DBT: variants seen among roughly 807,000 people sequenced by gnomAD.
The protein encoded by DBT is dihydrolipoamide branched chain transacylase E2, also known as lipoamide acyltransferase component of branched-chain alpha-keto acid dehydrogenase complex, mitochondrial.
DBT carries 40 observed loss-of-function variants against 51.3 expected under a neutral mutation model. The ratio of observed to expected loss-of-function variants is 0.78; its 90% CI spans 0.61 to 1.02. DBT has a LOEUF of 1.02. DBT is among the 50% of genes least tolerant of loss of function. DBT has a pLI of 0.00. For synonymous variants in DBT, 181 were observed against 190.4 expected (o/e 0.95, Z 0.41); for missense variants, 510 against 580.2 (o/e 0.88, Z 1.24).
chr1:100,216,232 C>A, intron 5 of DBT, 33 bp from the exon 6 acceptor site: 2 of 1,445,776 alleles, frequency 1.4e-6, no homozygotes, highest in Non-Finnish European at 1.9e-6. Context: ...GCCAAAAATA[C>A]AACTATTTAA....
intron 4 of DBT, among the ~76,000 whole-genome samples, chr1:100,225,143 C>G (rs1212198695): frequency 6.7e-6 from 1 of 148,620 alleles, no homozygotes; most frequent in Non-Finnish European, 1.5e-5. Flanking sequence ...AAACCATCAC[C>G]ATAATCAAGA....
chr1:100,221,733 C>T (rs935255263), intron 4 of DBT, among the ~76,000 whole-genome samples: 5 of 152,176 alleles, frequency 3.3e-5, no homozygotes, highest in African/African-American at 1.2e-4. Context: ...TAAGTAAACA[C>T]TTTTTCTTAT....
intron 10 of DBT, among the ~76,000 whole-genome samples, chr1:100,197,361 T>G (rs1423750674): frequency 1.3e-5 from 2 of 152,186 alleles, no homozygotes; most frequent in African/African-American, 4.8e-5. Context: ...CTGAGCAGAT[T>G]GGCCATTCAC....
chr1:100,210,904 T>A, intron 7 of DBT, 133 bp from the exon 8 acceptor site: 2 of 1,540,098 alleles, frequency 1.3e-6, no homozygotes, highest in Admixed American at 2.0e-5. Flanking sequence ...CAAGTCTACA[T>A]GTACCTAGTC....
intron 4 of DBT, among the ~76,000 whole-genome samples, chr1:100,223,941 A>C (rs1377173918): frequency 6.6e-6 from 1 of 152,128 alleles, no homozygotes; most frequent in Non-Finnish European, 1.5e-5. Context: ...GAGTCCAATA[A>C]ACTGTTTTGA....
intron 2 of DBT, 53 bp downstream of exon 2, chr1:100,240,708 T>G: frequency 6.9e-7 from 1 of 1,441,058 alleles, no homozygotes; most frequent in Non-Finnish European, 9.7e-7. Context: ...AAAATATTAC[T>G]GAATGAGGTA....
At chr1:100,242,836 A>T (rs2100848534) in intron 1 of DBT, among the ~76,000 whole-genome samples, 1 of 152,330 alleles carries the variant, frequency 6.6e-6, no homozygotes, top group South Asian at 2.1e-4. Context: ...TTTGTAAAAC[A>T]TTTGAAAGAA....
rs1322750154 is a variant in DBT, at chr1:100,196,147, G to A, written c.*108C>T. On this transcript the variant is annotated 3_prime_UTR_variant, in exon 11 of 11. Coordinates refer to ENST00000370132, the MANE Select transcript of DBT (RefSeq NM_001918.5). The stretch of plus-strand genomic sequence containing the variant: ...TTGTGCCTTAGATCCTTAATCATAC[G>A]ATACAAATCATTTACAATATAAATT... 5.0e-6 allele frequency: 5 copies of A among 993,834 alleles called. No individual in the cohort carries two copies. Among genetic ancestry groups the A allele is most frequent in the Non-Finnish European group, 7.9e-6 (5 of 631,708 alleles). The allele number at this position is 993,834 out of a possible 1,614,324, so 61.6% of individuals were successfully genotyped here.
chr1:100,231,566 A>C (rs1186713806), intron 3 of DBT, among the ~76,000 whole-genome samples: 1 of 152,202 alleles, frequency 6.6e-6, no homozygotes, highest in Admixed American at 6.5e-5. Context: ...ACTTATTGCC[A>C]GCAACAGATA....
intron 10 of DBT, among the ~76,000 whole-genome samples, chr1:100,197,959 G>A (rs1661205349): frequency 6.6e-6 from 1 of 151,954 alleles, no homozygotes; most frequent in Admixed American, 6.6e-5. Flanking sequence ...AAGGGAATAA[G>A]ATTTCTACTC....
intron 4 of DBT, among the ~76,000 whole-genome samples, chr1:100,223,111 C>T (rs993458516): frequency 3.3e-5 from 5 of 152,144 alleles, no homozygotes; most frequent in Admixed American, 2.0e-4. Context: ...GGTGAATGTT[C>T]ATAACATGTC....
chr1:100,209,869 G>A (rs1662030226), intron 8 of DBT, among the ~76,000 whole-genome samples: 1 of 152,052 alleles, frequency 6.6e-6, no homozygotes, highest in African/African-American at 2.4e-5. Flanking sequence ...GCCTCTGGTT[G>A]TGCACTTCTA....
chr1:100,216,034 C>CCGGAGGT lies in DBT; in HGVS notation c.720_721insACCTCCG (p.Val241ThrfsTer42), dbSNP rs755560322. The CCGGAGGT allele has an allele frequency of 4.3e-6, 7 of 1,613,218 alleles. No individual in the cohort carries two copies. Among genetic ancestry groups the CCGGAGGT allele is most frequent in the Middle Eastern group, 3.3e-4 (2 of 6,078 alleles). ...CCTGTGAATACCGGAGGTTTTGATA[C>CCGGAGGT]TAGTATAGGAACAGTCATGTCTTTT... On this transcript the variant is annotated frameshift_variant, in exon 6 of 11. Transcript: ENST00000370132. LOFTEE classifies it high-confidence loss of function.
chr1:100,203,455 T>C (rs1661570552), intron 10 of DBT, among the ~76,000 whole-genome samples: 1 of 152,184 alleles, frequency 6.6e-6, no homozygotes, highest in Non-Finnish European at 1.5e-5. Context: ...GAGGTAGTAA[T>C]TAATAGCCTA....
intron 2 of DBT, among the ~76,000 whole-genome samples, chr1:100,239,348 G>A (rs1037769062): frequency 6.6e-6 from 1 of 152,088 alleles, no homozygotes; most frequent in Non-Finnish European, 1.5e-5. Context: ...GGAAGTTGAA[G>A]TATTTACTTG....
At position 100,206,594 on chromosome 1, in the gene DBT, A is replaced by G; in HGVS notation, c.1060T>C (p.Leu354=). The stretch of plus-strand genomic sequence containing the variant: ...ACATTTTTCACATTAGGGACAATCA[A>G]ACCCTGCTCAGTATCCATTGCTATC... ...IGIAMDTEQG[L]IVPNVKNVQI... Residue 354 remains leucine, a synonymous_variant, in exon 9 of 11, where the codon TTG becomes CTG. Coordinates refer to ENST00000370132, the MANE Select transcript of DBT (RefSeq NM_001918.5). 6.2e-7 allele frequency: 1 copy of G among 1,612,652 alleles called. No individual in the cohort carries two copies. The highest frequency in any genetic ancestry group is 1.3e-5 in the African/African-American group (1 of 75,014).
intron 2 of DBT, 111 bp from the exon 3 acceptor site, chr1:100,235,622 T>A (rs537028986): frequency 1.6e-6 from 1 of 620,274 alleles, no homozygotes; most frequent in Non-Finnish European, 2.9e-6. Flanking sequence ...AATTCTTCCA[T>A]CTTACAGACA....
chr1:100,218,922 A>G (rs1662655076), intron 4 of DBT, among the ~76,000 whole-genome samples, 175 bp from the exon 5 acceptor site: 1 of 61,142 alleles, frequency 1.6e-5, no homozygotes, highest in African/African-American at 5.1e-5. Context: ...TCCTAATGGT[A>G]TGGGTAGAGT....
chr1:100,206,233 A>C lies in DBT; in HGVS notation c.1278T>G (p.Ile426Met). 6.2e-7 allele frequency: 1 copy of C among 1,609,642 alleles called. No homozygotes were observed. The highest frequency in any genetic ancestry group is 8.5e-7 in the Non-Finnish European group (1 of 1,176,224). ...TTCAGTTATCTAATACATGTACCTT[A>C]ATTGATCCAAGGGCCCCAATGGCTA... is the stretch of plus-strand genomic sequence containing the variant. Reference protein sequence around the residue: ...PEVAIGALGSIKAIPRFNQKG... With the variant: ...PEVAIGALGSMKAIPRFNQKG... Residue 426 changes from isoleucine (I) to methionine (M), a missense_variant, in exon 10 of 11, where the codon ATT (isoleucine) becomes ATG (methionine). By Grantham distance (10) the Ile-to-Met change is conservative. Coordinates refer to ENST00000370132, the MANE Select transcript of DBT (RefSeq NM_001918.5).
Sources: allele counts gnomAD v4.1 joint callset (sites outside exome capture counted in the v4.1 genomes callset), GRCh38; gene constraint gnomAD v4.1.1; transcripts MANE v1.5; gene names NCBI Gene and HGNC (gene_info 2026-07-23, HGNC 2026-07-21).